The following CTCFL variants were observed in gnomAD, a reference collection of about 807,000 sequenced individuals.
CTCFL encodes CCCTC-binding factor like, also known as transcriptional repressor CTCFL.
Under a neutral mutation model 67.4 loss-of-function variants are expected in CTCFL, and 36 were observed. The observed-to-expected ratio is 0.53, with a 90% CI of 0.41 to 0.71. CTCFL has a LOEUF of 0.71. Among genes scored for constraint, CTCFL ranks in the 30% least tolerant of loss-of-function variants. CTCFL has a pLI of 0.00. For missense variants in CTCFL, 786 were observed against 835.2 expected (o/e 0.94, Z 0.73); for synonymous variants, 324 against 302.3 (o/e 1.07, Z -0.75).
In CTCFL at chr20:57,497,406, A is replaced by T. The variant is rs1386257789; in HGVS notation, c.*1144T>A. The T allele has an allele frequency of 2.0e-6, 2 of 985,042 alleles. No homozygotes were observed. Among genetic ancestry groups the T allele is most frequent in the African/African-American group, 3.5e-5 (2 of 57,216 alleles). 61.0% of individuals were successfully genotyped at this position (985,042 alleles called of 1,614,324 possible). A position where few individuals can be genotyped will look rare whatever the true frequency, so the allele number is the denominator to read the frequency against. ...TGTATAGGGATTCTGAACTTGTGAT[A>T]TTTTCAATAAAAGGTCCATATCTTA... On this transcript the variant is annotated 3_prime_UTR_variant, in exon 11 of 11. Coordinates refer to ENST00000243914, the MANE Select transcript of CTCFL (RefSeq NM_001386993.1).
intron 5 of CTCFL, among the ~76,000 whole-genome samples, chr20:57,518,040 T>C (rs929730472): frequency 3.3e-5 from 5 of 152,226 alleles, no homozygotes; most frequent in Admixed American, 3.3e-4. Flanking sequence ...GGCTGCACTG[T>C]TACTATATTT....
In CTCFL at chr20:57,503,448, C is replaced by T. The variant is rs142170954; in HGVS notation, c.1828G>A (p.Ala610Thr). 1.4e-3 allele frequency: 2,216 copies of T among 1,614,168 alleles called. 5 individuals are homozygous for T. Among genetic ancestry groups the T allele is most frequent in the African/African-American group, 6.5e-3 (485 of 75,056 alleles). ...KEAAKGWKEA[A>T]NGDEAAAEEA... ...GTAAAATCAGTACCGTCTCCGTTCG[C>T]GGCTTCCTTCCATCCCTTCGCAGCT... Residue 610 changes from alanine (A) to threonine (T), a missense_variant, in exon 10 of 11, where the codon GCG (alanine) becomes ACG (threonine). This residue lies in a region of CTCFL where 199 missense variants were observed against 196.7 expected (regional missense o/e 1.01). Coordinates refer to ENST00000243914, the MANE Select transcript of CTCFL (RefSeq NM_001386993.1).
intron 9 of CTCFL, 35 bp downstream of exon 9, chr20:57,508,571 C>G (rs1227304001): frequency 1.2e-6 from 2 of 1,601,246 alleles, no homozygotes; most frequent in Admixed American, 1.7e-5. Context: ...AGGGATCTTT[C>G]CATGGGGGAT....
intron 7 of CTCFL, 60 bp downstream of exon 7, chr20:57,514,532 G>C: frequency 6.3e-7 from 1 of 1,588,192 alleles, no homozygotes; most frequent in Non-Finnish European, 8.6e-7. Context: ...AGGTTTATAG[G>C]ACCACGCTCC....
chr20:57,519,266 A>G lies in CTCFL; in HGVS notation c.866T>C (p.Leu289Pro), dbSNP rs1319250878. The G allele has an allele frequency of 6.2e-7, 1 of 1,614,174 alleles. No homozygotes were observed. The highest frequency in any genetic ancestry group is 8.5e-7 in the Non-Finnish European group (1 of 1,180,038). ...HTSEKPHLCH[L>P]CLKTFRTVTL... ...GACCGTACGGAAGGTTTTCAGGCAGAGGTGACACAGGTGAGGCTTCTCACT... is the reference window on the plus strand; with the variant it reads ...GACCGTACGGAAGGTTTTCAGGCAGGGGTGACACAGGTGAGGCTTCTCACT... The change falls in exon 4 of 11, where the codon CTC becomes CCC. Residue 289 changes from leucine to proline, a missense_variant. Leu to Pro is a moderately conservative substitution (Grantham distance 98). Around this residue, in one of 3 missense-constraint regions of CTCFL, gnomAD observed 254 missense variants for 333.9 expected, o/e 0.76. Transcript: ENST00000243914.
At chr20:57,503,368 G>A (rs1018316893) in intron 10 of CTCFL, 68 bp downstream of exon 10, 16 of 1,573,726 alleles carry the variant, frequency 1.0e-5, no homozygotes, top group South Asian at 4.6e-5. Context: ...AGTAACACTC[G>A]GCACCCAGGA....
rs979461060 is a variant in CTCFL at position 57,518,151 on chromosome 20, A to G, written c.1059+607T>C. ...GGCCTCAGCCTGTTTCCCAGCACAC[A>G]GTGAGACCCTGACAATTAACTGGTG... On this transcript the variant is annotated intron_variant, in intron 5 of 10. Coordinates refer to ENST00000243914, the MANE Select transcript of CTCFL (RefSeq NM_001386993.1). Among the ~76,000 whole-genome samples, 8 of 152,324 alleles carry G rather than the reference A, an allele frequency of 5.3e-5. No individual in the cohort carries two copies. The South Asian group carries it at 8.3e-4, about 16-fold the overall frequency.
chr20:57,507,905 C>A, intron 9 of CTCFL: 1 of 702,304 alleles, frequency 1.4e-6, no homozygotes. Flanking sequence ...AAATGTATTG[C>A]TTAGTCCAGT....
In CTCFL at chr20:57,512,658, C is replaced by T. The variant is rs766062124; in HGVS notation, c.1425G>A (p.Gln475=). 4 of 1,614,088 alleles carry T rather than the reference C, an allele frequency of 2.5e-6. No homozygotes were observed. In the African/African-American group the frequency reaches 5.3e-5, roughly 22 times the overall value. ...TCTCATTCTTATGAGTTTTCTGGTG[C>T]TGAATGAGGGCATAGCGTTCATGGA... is the stretch of plus-strand genomic sequence containing the variant. The part of the protein sequence containing the change: ...AVFHERYALI[Q]HQKTHKNEKR... The change falls in exon 8 of 11, where the codon CAG becomes CAA. Residue 475 remains glutamine (Q), a synonymous_variant. Transcript: ENST00000243914.
intron 3 of CTCFL, among the ~76,000 whole-genome samples, chr20:57,521,037 G>C (rs146519737): frequency 6.6e-6 from 1 of 152,336 alleles, no homozygotes; most frequent in East Asian, 1.9e-4. Flanking sequence ...TGGCACGACT[G>C]CTGGCAATAT....
intron 7 of CTCFL, chr20:57,513,513 T>C: frequency 1.9e-6 from 2 of 1,042,410 alleles, no homozygotes; most frequent in South Asian, 3.2e-5. Context: ...TATAGGGCTA[T>C]GTGGAGTGTA....
chr20:57,503,747 G>C (rs1314243837), intron 9 of CTCFL, 146 bp from the exon 10 acceptor site: 2 of 777,336 alleles, frequency 2.6e-6, no homozygotes, highest in African/African-American at 3.5e-5. Flanking sequence ...CTAGCCCTAA[G>C]AAGTAAATAA....
intron 1 of CTCFL, chr20:57,524,771 G>A (rs2069733810): frequency 5.1e-6 from 5 of 987,222 alleles, no homozygotes; most frequent in Non-Finnish European, 3.6e-6. Context: ...CAGGCTTTGG[G>A]CCTAGTGGCC....
downstream of CTCFL, chr20:57,496,467 T>A (rs1208909843): frequency 2.2e-6 from 1 of 449,336 alleles, no homozygotes; most frequent in Admixed American, 3.8e-5. Flanking sequence ...TTTACCATTT[T>A]AGCTATTTTT....
chr20:57,516,976 C>T (rs564032814), intron 5 of CTCFL, among the ~76,000 whole-genome samples: 2 of 152,088 alleles, frequency 1.3e-5, no homozygotes, highest in Non-Finnish European at 2.9e-5. Flanking sequence ...TGCTGGTGAC[C>T]CAGGGATGCC....
chr20:57,523,083 G>C lies in CTCFL; in HGVS notation c.739C>G (p.Gln247Glu). The change falls in exon 3 of 11, where the codon CAA (glutamine) becomes GAA (glutamate). Residue 247 changes from glutamine to glutamate, a missense_variant. By Grantham distance (29) the Gln-to-Glu change is conservative (BLOSUM62 2). This residue lies in a region of CTCFL where 333 missense variants were observed against 304.6 expected (regional missense o/e 1.09). Transcript: ENST00000243914. ...ACTGGCCTACCCTTTGTCTTTCTTT[G>C]ATTTTTTGTAGATTTGGCCTTTTCA... ...DAEKAKSTKNQRKTKGAKGTF... is the reference protein window; with the variant it reads ...DAEKAKSTKNERKTKGAKGTF... 6.2e-7 allele frequency: 1 copy of C among 1,613,478 alleles called. No homozygotes were observed. Among genetic ancestry groups the C allele is most frequent in the Non-Finnish European group, 8.5e-7 (1 of 1,179,756 alleles).
chr20:57,524,215 G>C lies in CTCFL; in HGVS notation c.-10C>G, dbSNP rs1490811444. The C allele has an allele frequency of 1.9e-6, 3 of 1,607,628 alleles. No individual in the cohort carries two copies. The highest frequency in any genetic ancestry group is 2.5e-6 in the Non-Finnish European group (3 of 1,177,512). ...TCTCAGTGGCTGCCATAATGACTTG[G>C]CCTGTTTGAAAAATAAGCAAGCGGT... On this transcript the variant is annotated splice_region_variant and 5_prime_UTR_variant, in exon 2 of 11. Transcript: ENST00000243914.
chr20:57,520,418 A>C (rs1457549661), intron 3 of CTCFL, among the ~76,000 whole-genome samples: 1 of 152,226 alleles, frequency 6.6e-6, no homozygotes, highest in East Asian at 1.9e-4. Flanking sequence ...TTATTCTCAA[A>C]ATCCATCCCT....
In CTCFL at chr20:57,521,754, C is replaced by T. The variant is rs115166065; in HGVS notation, c.754+1314G>A. Among the ~76,000 whole-genome samples, 1,107 of 152,280 alleles carry T rather than the reference C, an allele frequency of 7.3e-3. 15 individuals carry two copies. The highest frequency in any genetic ancestry group is 0.024 in the African/African-American group (1,016 of 41,548). On this transcript the variant is annotated intron_variant, in intron 3 of 10. Transcript: ENST00000243914. ...ACTTAGCCATTAAAAACGAATGAAGCGCTGACACATACTACAATACCAACA... is the reference window on the plus strand; with the variant it reads ...ACTTAGCCATTAAAAACGAATGAAGTGCTGACACATACTACAATACCAACA...
Sources: gnomAD v4.1 joint callset for allele counts (sites outside exome capture counted in the v4.1 genomes callset) on GRCh38, gnomAD v4.1.1 for gene constraint, gnomAD v4.1.1 regional missense constraint, MANE v1.5 for transcripts, NCBI Gene and HGNC (gene_info 2026-07-23, HGNC 2026-07-21) for gene names.